Variants in NLGN1 observed in about 807,000 individuals in gnomAD.
NLGN1 encodes neuroligin-1.
Under a neutral mutation model 65.5 loss-of-function variants are expected in NLGN1, and 12 were observed. The observed-to-expected ratio is 0.18, with a 90% CI of 0.12 to 0.30. NLGN1 has a LOEUF of 0.30. Ranked by LOEUF, NLGN1 falls within the 10% of genes least tolerant of loss-of-function variation. The pLI is 1.00. For missense variants in NLGN1, 750 were observed against 1,007.1 expected, an observed-to-expected ratio of 0.74 and a Z score of 3.46; for synonymous variants, 350 against 359.5, an observed-to-expected ratio of 0.97 and a Z score of 0.30.
At chr3:173,448,853 G>T (rs1164295305) in intron 2 of NLGN1, among the ~76,000 whole-genome samples, 6 of 152,180 alleles carry the variant, frequency 3.9e-5, no homozygotes, top group Admixed American at 1.3e-4. Context: ...TTTGTGTATA[G>T]GTGTTTATAG....
At chr3:173,521,758 C>T (rs532338110) in intron 2 of NLGN1, among the ~76,000 whole-genome samples, 6 of 152,254 alleles carry the variant, frequency 3.9e-5, no homozygotes, top group South Asian at 4.1e-4. Flanking sequence ...TTTACATACT[C>T]GTTTAATCTT....
intron 4 of NLGN1, among the ~76,000 whole-genome samples, chr3:173,924,457 A>G (rs1742637836): frequency 6.6e-6 from 1 of 152,000 alleles, no homozygotes; most frequent in Non-Finnish European, 1.5e-5. Context: ...GTATGATAGT[A>G]GGTCTTAAAT....
chr3:173,700,852 A>G (rs534399795), intron 3 of NLGN1, among the ~76,000 whole-genome samples: 37 of 152,264 alleles, frequency 2.4e-4, no homozygotes, highest in South Asian at 4.2e-4. Context: ...AAGGCCGGGC[A>G]CGGTGGCTCA....
At chr3:174,094,616 G>C (rs910394321) in intron 4 of NLGN1, among the ~76,000 whole-genome samples, 10 of 151,716 alleles carry the variant, frequency 6.6e-5, no homozygotes, top group African/African-American at 2.4e-4. Flanking sequence ...TGCCCTGAGG[G>C]TATAAACAAT....
intron 4 of NLGN1, among the ~76,000 whole-genome samples, chr3:173,932,148 T>C (rs1486064299): frequency 6.6e-6 from 1 of 152,164 alleles, no homozygotes; most frequent in East Asian, 1.9e-4. Flanking sequence ...TAGGTGAGCA[T>C]GTGGGTACAC....
At chr3:174,001,698 T>A (rs1723321392) in intron 4 of NLGN1, among the ~76,000 whole-genome samples, 1 of 152,260 alleles carries the variant, frequency 6.6e-6, no homozygotes, top group Admixed American at 6.5e-5. Flanking sequence ...AGATAATCCA[T>A]GTACAACAGT....
intron 4 of NLGN1, among the ~76,000 whole-genome samples, chr3:174,246,114 A>G (rs1156758001): frequency 6.6e-6 from 1 of 152,210 alleles, no homozygotes; most frequent in Non-Finnish European, 1.5e-5. Context: ...TATTCTAGGA[A>G]TGAGAATTGT....
chr3:173,613,555 G>A (rs931758951), intron 3 of NLGN1, among the ~76,000 whole-genome samples: 1 of 152,114 alleles, frequency 6.6e-6, no homozygotes, highest in African/African-American at 2.4e-5. Context: ...ATTTTATCCA[G>A]ATGGTTGCTT....
chr3:173,800,044 T>G (rs1236961246), intron 3 of NLGN1, among the ~76,000 whole-genome samples: 7 of 151,280 alleles, frequency 4.6e-5, no homozygotes, highest in Non-Finnish European at 1.0e-4. Flanking sequence ...CATGACTTGA[T>G]TTTCAAGCCA....
intron 1 of NLGN1, among the ~76,000 whole-genome samples, chr3:173,412,859 C>T (rs983934558): frequency 1.3e-5 from 2 of 152,134 alleles, no homozygotes; most frequent in Non-Finnish European, 2.9e-5. Flanking sequence ...TGTAATGGTA[C>T]TTTTTTGGCC....
At chr3:173,805,211 A>G (rs546325309) in intron 3 of NLGN1, among the ~76,000 whole-genome samples, 87 of 152,296 alleles carry the variant, frequency 5.7e-4, no homozygotes, top group East Asian at 2.1e-3. Context: ...TATCATAATT[A>G]CTTTTGCACC....
At chr3:173,825,653 A>G (rs1319156427) in intron 4 of NLGN1, among the ~76,000 whole-genome samples, 1 of 152,088 alleles carries the variant, frequency 6.6e-6, no homozygotes, top group African/African-American at 2.4e-5. Context: ...ATGGTAGTTG[A>G]TAAGCTGCTT....
intron 2 of NLGN1, among the ~76,000 whole-genome samples, chr3:173,486,777 G>A (rs1728236767): frequency 6.6e-6 from 1 of 152,102 alleles, no homozygotes; most frequent in South Asian, 2.1e-4. Flanking sequence ...ACTTTTGCCT[G>A]TTATCATCTT....
chr3:174,186,513 G>T (rs1291940738), intron 4 of NLGN1, among the ~76,000 whole-genome samples: 9 of 151,934 alleles, frequency 5.9e-5, no homozygotes, highest in Non-Finnish European at 1.3e-4. Context: ...TAGCATATCA[G>T]ATTTATCATT....
intron 1 of NLGN1, among the ~76,000 whole-genome samples, chr3:173,416,998 A>G (rs985814269): frequency 1.1e-4 from 16 of 152,128 alleles, no homozygotes; most frequent in Non-Finnish European, 4.4e-5. Context: ...TCAATAATGG[A>G]AATATGTGCT....
chr3:173,409,769 G>A (rs1432540695), intron 1 of NLGN1, among the ~76,000 whole-genome samples: 2 of 152,082 alleles, frequency 1.3e-5, no homozygotes, highest in African/African-American at 4.8e-5. Context: ...ATTTCCCTCC[G>A]CCATGTGATA....
chr3:173,546,771 T>G (rs1006847703), intron 2 of NLGN1, among the ~76,000 whole-genome samples: 1 of 152,188 alleles, frequency 6.6e-6, no homozygotes, highest in Non-Finnish European at 1.5e-5. Flanking sequence ...TACACAGGCT[T>G]TTACTTATAC....
At chr3:173,841,198 T>C (rs1724718031) in intron 4 of NLGN1, among the ~76,000 whole-genome samples, 1 of 152,184 alleles carries the variant, frequency 6.6e-6, no homozygotes, top group African/African-American at 2.4e-5. Context: ...GACAATTTCA[T>C]GGTGGTCTGT....
Position 173,502,223 on chromosome 3 carries a change from A to AT in NLGN1, c.-321+67151dup, listed in dbSNP as rs1731253059. 3.9e-5 allele frequency among the ~76,000 whole-genome samples: 6 copies of AT among 152,050 alleles called. No homozygotes were observed. The South Asian group carries it at 1.0e-3, about 26-fold the overall frequency. The stretch of plus-strand genomic sequence containing the variant: ...TTTCAATGTTCAGAAGTGATTATTA[A>AT]TTTTTTGGCCATAAACGTTAAATTC... On this transcript the variant is annotated intron_variant, in intron 2 of 6. Coordinates refer to ENST00000457714, the Ensembl canonical transcript of NLGN1.
Sources: allele counts gnomAD v4.1 joint callset (sites outside exome capture counted in the v4.1 genomes callset), GRCh38; gene constraint gnomAD v4.1.1; transcripts MANE v1.5; gene names NCBI Gene and HGNC (gene_info 2026-07-23, HGNC 2026-07-21).